Variants in MIS18A observed in about 807,000 individuals in gnomAD.
MIS18A encodes the protein MIS18 kinetochore protein A, also known as protein Mis18-alpha.
MIS18A carries 14 observed loss-of-function variants against 25.0 expected under a neutral mutation model. The ratio of observed to expected loss-of-function variants is 0.56; its 90% CI spans 0.37 to 0.88. The LOEUF (loss-of-function observed/expected upper bound fraction) is 0.88, where lower values mean the gene tolerates loss of function less well. Among genes scored for constraint, MIS18A ranks in the 40% least tolerant of loss-of-function variants. The probability of loss-of-function intolerance (pLI) is 0.00; values close to 1 mark genes in which losing one functional copy is unlikely to be tolerated. For missense variants in MIS18A, 292 were observed against 290.8 expected, an observed-to-expected ratio of 1.00 and a Z score of -0.03; for synonymous variants, 134 against 118.6, an observed-to-expected ratio of 1.13 and a Z score of -0.84.
At chr21:32,160,566 T>C in the MIS18A span, among the ~76,000 whole-genome samples, 2 of 151,984 alleles carry the variant, frequency 1.3e-5, no homozygotes. Flanking sequence ...AAGATAAACA[T>C]TGGTTTGGTC....
chr21:32,155,280 T>C, the MIS18A span, among the ~76,000 whole-genome samples: 1 of 152,286 alleles, frequency 6.6e-6, no homozygotes, highest in Admixed American at 6.5e-5. Context: ...TTGGAGGGTT[T>C]GATCTTGTCC....
chr21:32,242,127 G>A, the MIS18A span, among the ~76,000 whole-genome samples: 3 of 152,226 alleles, frequency 2.0e-5, no homozygotes, highest in Admixed American at 6.5e-5. Context: ...TGATCCACCC[G>A]CCTCAGCCTC....
At chr21:32,208,538 A>G in the MIS18A span, among the ~76,000 whole-genome samples, 1 of 152,114 alleles carries the variant, frequency 6.6e-6, no homozygotes, top group Non-Finnish European at 1.5e-5. Flanking sequence ...CATGCTTCCT[A>G]TACAGCCTAC....
At chr21:32,184,977 C>T in the MIS18A span, among the ~76,000 whole-genome samples, 31 of 152,146 alleles carry the variant, frequency 2.0e-4, no homozygotes, top group Admixed American at 2.0e-3. Flanking sequence ...TCCCTTCTCC[C>T]AGGATATCCA....
the MIS18A span, among the ~76,000 whole-genome samples, chr21:32,254,893 G>C: frequency 6.6e-6 from 1 of 152,128 alleles, no homozygotes; most frequent in Non-Finnish European, 1.5e-5. Context: ...GTACAAAAAA[G>C]TCTAGAAACA....
the MIS18A span, among the ~76,000 whole-genome samples, chr21:32,211,460 C>A: frequency 2.6e-5 from 4 of 152,220 alleles, no homozygotes; most frequent in Admixed American, 6.5e-5. Flanking sequence ...GCATCCCCTG[C>A]CAGCTGTATT....
At chr21:32,198,486 C>A in the MIS18A span, among the ~76,000 whole-genome samples, 4 of 152,338 alleles carry the variant, frequency 2.6e-5, no homozygotes, top group Non-Finnish European at 4.4e-5. Flanking sequence ...AGAGCTGGGA[C>A]CTGTTAGTGC....
At chr21:32,213,263 T>C in the MIS18A span, among the ~76,000 whole-genome samples, 1 of 152,278 alleles carries the variant, frequency 6.6e-6, no homozygotes, top group South Asian at 2.1e-4. Flanking sequence ...ACAACCCAAA[T>C]GTCCGTCACT....
the MIS18A span, among the ~76,000 whole-genome samples, chr21:32,218,693 T>C: frequency 1.7e-4 from 26 of 152,080 alleles, no homozygotes; most frequent in South Asian, 2.1e-4. Context: ...AGGAACTAAG[T>C]TGGTACACTA....
the MIS18A span, among the ~76,000 whole-genome samples, chr21:32,258,871 TTTATTTAC>T: frequency 0.065 from 8,000 of 123,838 alleles, 336 homozygotes; most frequent in East Asian, 0.16. Context: ...TATTTATTTA[TTTATTTAC>T]TTACTTACTT....
At chr21:32,261,651 C>T in the MIS18A span, 4 of 152,270 alleles carry the variant, frequency 2.6e-5, no homozygotes, top group African/African-American at 7.2e-5. Context: ...GGAGCTAACA[C>T]TCCAATGGCA....
intron 1 of MIS18A, chr21:32,278,405 T>C (rs2031858390): frequency 2.1e-6 from 1 of 477,706 alleles, no homozygotes; most frequent in South Asian, 3.8e-5. Flanking sequence ...TTATTCTTTG[T>C]CGCCCTTTGT....
the MIS18A span, chr21:32,260,089 T>C: frequency 2.7e-5 from 4 of 150,204 alleles, no homozygotes; most frequent in Admixed American, 2.0e-4. Flanking sequence ...CTCAGCTTTT[T>C]TTTTTTCAGA....
the MIS18A span, among the ~76,000 whole-genome samples, chr21:32,208,696 G>A: frequency 6.6e-6 from 1 of 152,146 alleles, no homozygotes; most frequent in African/African-American, 2.4e-5. Context: ...AAGTGCTGTG[G>A]CCTCCAAAAT....
the MIS18A span, among the ~76,000 whole-genome samples, chr21:32,252,203 GAGAAGAAGAAGAAGA>G: frequency 0.022 from 2,679 of 119,148 alleles, 167 homozygotes; most frequent in African/African-American, 0.087. Flanking sequence ...GGAAGAGGAG[GAGAAGAAGAAGAAGA>G]AGAAGAAGAA....
At chr21:32,264,141 C>T (rs544833843), downstream of MIS18A, among the ~76,000 whole-genome samples, 52 of 151,866 alleles carry the variant, frequency 3.4e-4, 1 homozygote, top group South Asian at 0.01. Context: ...AAATAATATT[C>T]GATTATATAG....
At position 32,268,858 on chromosome 21, in the gene MIS18A, A is replaced by G; in HGVS notation, c.*179T>C. On this transcript the variant is annotated 3_prime_UTR_variant, in exon 5 of 5. Transcript: ENST00000290130. ...ACTAGAACACAGTAGTGGCATGACCAAGGCTCACTGCAGCCTCAACCTCCC... is the reference window on the plus strand; with the variant it reads ...ACTAGAACACAGTAGTGGCATGACCGAGGCTCACTGCAGCCTCAACCTCCC... The G allele has an allele frequency of 2.2e-6, 1 of 464,198 alleles. No homozygotes were observed. The highest frequency in any genetic ancestry group is 3.9e-6 in the Non-Finnish European group (1 of 255,140). The allele number at this position is 464,198 out of a possible 1,614,324, so 28.8% of individuals were successfully genotyped here.
chr21:32,274,485 C>T (rs1440861327), intron 2 of MIS18A, among the ~76,000 whole-genome samples: 2 of 152,028 alleles, frequency 1.3e-5, no homozygotes, highest in Non-Finnish European at 2.9e-5. Flanking sequence ...GGATTACAGG[C>T]GTGAGCCACC....
chr21:32,200,663 C>A, the MIS18A span, among the ~76,000 whole-genome samples: 10,802 of 152,062 alleles, frequency 0.071, 545 homozygotes, highest in South Asian at 0.16. Context: ...TGGTCTCGAT[C>A]TCCTGACCTC....
Sources: allele counts gnomAD v4.1 joint callset (sites outside exome capture counted in the v4.1 genomes callset), GRCh38; gene constraint gnomAD v4.1.1; transcripts MANE v1.5; gene names NCBI Gene and HGNC (gene_info 2026-07-23, HGNC 2026-07-21).